Variants in NDUFV3 observed in about 807,000 individuals in gnomAD.
The protein encoded by NDUFV3 is NADH dehydrogenase [ubiquinone] flavoprotein 3, mitochondrial.
NDUFV3 carries 44 observed loss-of-function variants against 37.5 expected under a neutral mutation model. The observed-to-expected ratio is 1.17, with a 90% CI of 0.92 to 1.51. The LOEUF (loss-of-function observed/expected upper bound fraction) is 1.51. Among genes scored for constraint, NDUFV3 ranks in the 40% most tolerant of loss-of-function variants. The pLI is 0.00. For missense variants in NDUFV3, 580 were observed against 580.4 expected (o/e 1.00, Z 0.01); for synonymous variants, 235 against 239.3 (o/e 0.98, Z 0.17).
In NDUFV3 at chr21:42,900,132, G is replaced by A. The variant is rs1205618180; in HGVS notation, c.170-3050G>A. Among the ~76,000 whole-genome samples, 4 of 152,134 alleles carry A rather than the reference G, an allele frequency of 2.6e-5. No homozygotes were observed. The South Asian group carries it at 6.2e-4, about 24-fold the overall frequency. On this transcript the variant is annotated intron_variant, in intron 2 of 3. Transcript: ENST00000354250. ...GAGGATCATTTGAGCCCAGGAGGTC[G>A]AGGTTGTAGTGAATTATGATTGCAC...
chr21:42,899,056 G>C (rs1478944760), intron 2 of NDUFV3, among the ~76,000 whole-genome samples: 3 of 152,148 alleles, frequency 2.0e-5, no homozygotes, highest in Non-Finnish European at 4.4e-5. Context: ...GCGAGCCTTG[G>C]GCTCTCATGG....
At chr21:42,899,458 G>GTTT (rs35438595) in intron 2 of NDUFV3, among the ~76,000 whole-genome samples, 1 of 151,114 alleles carries the variant, frequency 6.6e-6, no homozygotes, top group African/African-American at 2.4e-5. Flanking sequence ...TTTTTGTTTT[G>GTTT]TTTTTGCGAT....
intron 1 of NDUFV3, among the ~76,000 whole-genome samples, chr21:42,895,087 G>A (rs1194971415): frequency 6.6e-6 from 1 of 152,132 alleles, no homozygotes; most frequent in African/African-American, 2.4e-5. Context: ...GGCCTGGCAG[G>A]TGGCTCATGC....
chr21:42,893,464 G>C (rs2058666821), intron 1 of NDUFV3, 83 bp downstream of exon 1: 46 of 1,450,952 alleles, frequency 3.2e-5, no homozygotes, highest in Non-Finnish European at 4.1e-5. Context: ...TGCTGGTCAG[G>C]TCCGGGCCTG....
intron 2 of NDUFV3, 94 bp downstream of exon 2, chr21:42,897,141 C>CG: frequency 1.4e-6 from 2 of 1,394,906 alleles, no homozygotes; most frequent in Non-Finnish European, 2.0e-6. Context: ...TTACTAGCTA[C>CG]GTAATTTATG....
At chr21:42,900,617 A>G (rs1418745679) in intron 2 of NDUFV3, among the ~76,000 whole-genome samples, 2 of 152,230 alleles carry the variant, frequency 1.3e-5, no homozygotes, top group African/African-American at 2.4e-5. Context: ...TGTAAGATAC[A>G]GAGGAACTTT....
At position 42,904,273 on chromosome 21, in the gene NDUFV3, C is replaced by T; in HGVS notation, c.1261C>T (p.Gln421Ter). 1 of 1,592,838 alleles carries T rather than the reference C, an allele frequency of 6.3e-7. No individual in the cohort carries two copies. Among genetic ancestry groups the T allele is most frequent in the Non-Finnish European group, 8.6e-7 (1 of 1,169,302 alleles). Reference protein sequence around the residue: ...AAPGDDRGGTQEPAPVPAEPF... With the variant: ...AAPGDDRGGT ...GCCAGGGGACGACCGAGGCGGCACA[C>T]AGGGTATACCTTGACTCGCGCTCCC... The change falls in exon 3 of 4, where the codon CAG becomes TAG. Residue 421 changes from glutamine (Q) to a stop codon, truncating the protein, a stop_gained. Transcript: ENST00000354250. LOFTEE classifies it low-confidence loss of function (END_TRUNC).
intron 3 of NDUFV3, among the ~76,000 whole-genome samples, chr21:42,907,570 C>T (rs768922136): frequency 2.0e-5 from 3 of 151,910 alleles, no homozygotes; most frequent in Non-Finnish European, 2.9e-5. Flanking sequence ...TGTGCCTCAG[C>T]CTCCTGACAT....
intron 2 of NDUFV3, among the ~76,000 whole-genome samples, chr21:42,898,554 C>G (rs560709367): frequency 6.6e-6 from 1 of 152,196 alleles, no homozygotes; most frequent in African/African-American, 2.4e-5. Flanking sequence ...ACTGCAGCCT[C>G]GACCTTCCAA....
rs1211852320 is a variant in NDUFV3 at position 42,903,703 on chromosome 21, G to T, written c.691G>T (p.Gly231Trp). Residue 231 changes from glycine to tryptophan, a missense_variant, in exon 3 of 4, where the codon GGG becomes TGG. Gly to Trp is a radical substitution (Grantham distance 184, BLOSUM62 -2). Coordinates refer to ENST00000354250, the MANE Select transcript of NDUFV3 (RefSeq NM_021075.4). ...PEKPHQPKKK[G>W]SPAKPSEGRE... is the part of the protein sequence containing the mutation. ...GAAGCCCCACCAGCCAAAGAAGAAA[G>T]GGTCCCCTGCTAAGCCATCAGAAGG... is the stretch of plus-strand genomic sequence containing the variant. 1 of 1,614,128 alleles carries T rather than the reference G, an allele frequency of 6.2e-7. No homozygotes were observed. The highest frequency in any genetic ancestry group is 8.5e-7 in the Non-Finnish European group (1 of 1,180,026).
At chr21:42,908,608 A>G (rs1484922240) in intron 3 of NDUFV3, among the ~76,000 whole-genome samples, 1 of 143,186 alleles carries the variant, frequency 7.0e-6, no homozygotes, top group African/African-American at 2.6e-5. Flanking sequence ...GTTCACAGAT[A>G]GGGTTGATGA....
intron 2 of NDUFV3, among the ~76,000 whole-genome samples, chr21:42,898,948 C>T (rs1393730099): frequency 6.6e-6 from 1 of 152,230 alleles, no homozygotes; most frequent in East Asian, 1.9e-4. Context: ...CAAAGAGCCC[C>T]CTTTTTAGAT....
rs369619910 is a variant in NDUFV3 at position 42,908,855 on chromosome 21, C to T, written c.1265-9C>T. 14 of 1,613,990 alleles carry T rather than the reference C, an allele frequency of 8.7e-6. No individual in the cohort carries two copies. In the African/African-American group the frequency reaches 1.9e-4, roughly 22 times the overall value. On this transcript the variant is annotated splice_polypyrimidine_tract_variant and intron_variant, in intron 3 of 3. Coordinates refer to ENST00000354250, the MANE Select transcript of NDUFV3 (RefSeq NM_021075.4). The stretch of plus-strand genomic sequence containing the variant: ...TGTTGGTCTCATGGGCATCGTGTTT[C>T]CTCCGCAGAGCCAGCCCCAGTGCCT...
chr21:42,894,619 C>T (rs1378771922), intron 1 of NDUFV3, among the ~76,000 whole-genome samples: 1 of 136,928 alleles, frequency 7.3e-6, no homozygotes, highest in African/African-American at 2.8e-5. Context: ...AGTGCAATGG[C>T]ACCATCTCAA....
rs979442833 is a variant in NDUFV3, at chr21:42,911,837, A to G, written c.*2816A>G. On this transcript the variant is annotated 3_prime_UTR_variant, in exon 4 of 4. Transcript: ENST00000354250. ...TTCTCAAGCTGGGATCCGTGGAACT[A>G]CTGTGATGGGCGGTGATGCTTTGGA... The G allele has an allele frequency of 7.2e-5, 11 of 152,144 alleles. No homozygotes were observed. Among genetic ancestry groups the G allele is most frequent in the African/African-American group, 1.4e-4 (6 of 41,416 alleles). The allele number at this position is 152,144 out of a possible 1,614,324, so 9.4% of individuals were successfully genotyped here.
rs760605703 is a variant in NDUFV3 at position 42,903,225 on chromosome 21, G to A, written c.213G>A (p.Gln71=). The change falls in exon 3 of 4, where the codon CAG becomes CAA. Residue 71 remains glutamine, a synonymous_variant. Transcript: ENST00000354250. ...PKERGKLLAT[Q]TAAELSKNLS... ...AGAGGGGCAAGCTCCTAGCCACCCA[G>A]ACAGCAGCTGAATTGTCTAAAAACT... The A allele has an allele frequency of 2.6e-5, 42 of 1,614,058 alleles. No individual in the cohort carries two copies. The East Asian group carries it at 3.6e-4, about 14-fold the overall frequency.
In NDUFV3 at chr21:42,906,249, G is replaced by A. The variant is rs150647749; in HGVS notation, c.1264+1973G>A. On this transcript the variant is annotated intron_variant, in intron 3 of 3. Transcript: ENST00000354250. ...GGCAAACATGAAAAGGCAAGCTTCC[G>A]TTTTAGAATCCATGGCTCTTCTTGA... 1.1e-3 allele frequency among the ~76,000 whole-genome samples: 173 copies of A among 152,278 alleles called. 1 individual carries two copies. The highest frequency in any genetic ancestry group is 2.0e-3 in the Admixed American group (31 of 15,286).
Position 42,903,391 on chromosome 21 carries a change from A to T in NDUFV3, c.379A>T (p.Lys127Ter). The T allele has an allele frequency of 6.2e-7, 1 of 1,614,200 alleles. No homozygotes were observed. Among genetic ancestry groups the T allele is most frequent in the Non-Finnish European group, 8.5e-7 (1 of 1,180,042 alleles). ...SRKTLVEFPQKVLSPFRKQGS... is the reference protein window; with the variant it reads ...SRKTLVEFPQ ...AAAGACTTTGGTAGAGTTTCCACAG[A>T]AAGTTCTGTCTCCATTCAGAAAACA... is the stretch of plus-strand genomic sequence containing the variant. The change falls in exon 3 of 4, where the codon AAA (lysine) becomes TAA (stop). Residue 127 changes from lysine to a stop codon, truncating the protein, a stop_gained. Transcript: ENST00000354250. LOFTEE classifies it high-confidence loss of function.
chr21:42,906,920 C>T (rs761032189), intron 3 of NDUFV3: 2 of 510,782 alleles, frequency 3.9e-6, no homozygotes, highest in South Asian at 1.4e-5. Flanking sequence ...ATCGTTTTTG[C>T]TTAACGTAAC....
Sources: gnomAD v4.1 joint callset for allele counts (sites outside exome capture counted in the v4.1 genomes callset) on GRCh38, gnomAD v4.1.1 for gene constraint, MANE v1.5 for transcripts, NCBI Gene and HGNC (gene_info 2026-07-23, HGNC 2026-07-21) for gene names.